PPP3R1: variants seen among roughly 807,000 people sequenced by gnomAD.
PPP3R1 encodes protein phosphatase 3 regulatory subunit B, alpha.
Under a neutral mutation model 22.6 loss-of-function variants are expected in PPP3R1, and 5 were observed. The ratio of observed to expected loss-of-function variants is 0.22; its 90% CI spans 0.12 to 0.46. The LOEUF (loss-of-function observed/expected upper bound fraction) is 0.46, where lower values mean the gene tolerates loss of function less well. Ranked by LOEUF, PPP3R1 falls within the 20% of genes least tolerant of loss-of-function variation. The pLI is 0.99. For synonymous variants in PPP3R1, 56 were observed against 65.2 expected (o/e 0.86, Z 0.68); for missense variants, 61 against 203.2 (o/e 0.30, Z 4.25).
At position 68,188,623 on chromosome 2, in the gene PPP3R1, A is replaced by G; in HGVS notation, c.111T>C (p.Ser37=). 6.2e-7 allele frequency: 1 copy of G among 1,613,636 alleles called. No individual in the cohort carries two copies. Among genetic ancestry groups the G allele is most frequent in the East Asian group, 2.2e-5 (1 of 44,794 alleles). The part of the protein sequence containing the change: ...FKKLDLDNSG[S]LSVEEFMSLP... ...GAGACATGAACTCTTCCACACTCAA[A>G]GAACCAGAATTGTCCAAATCAAGCT... Residue 37 remains serine, a synonymous_variant, in exon 3 of 6, where the codon TCT becomes TCC. Transcript: ENST00000234310.
intron 1 of PPP3R1, among the ~76,000 whole-genome samples, chr2:68,232,403 T>C (rs1181349179): frequency 6.8e-6 from 1 of 147,616 alleles, no homozygotes; most frequent in African/African-American, 2.5e-5. Flanking sequence ...ATCACACCAC[T>C]GCACTCCAGC....
chr2:68,224,853 C>T (rs1400507443), intron 1 of PPP3R1, among the ~76,000 whole-genome samples: 1 of 151,588 alleles, frequency 6.6e-6, no homozygotes, highest in East Asian at 1.9e-4. Context: ...TAGCAATATG[C>T]AATTTAAAAA....
At chr2:68,240,688 A>C (rs1670106671) in intron 1 of PPP3R1, among the ~76,000 whole-genome samples, 1 of 152,238 alleles carries the variant, frequency 6.6e-6, no homozygotes, top group East Asian at 1.9e-4. Context: ...TAAACATAGC[A>C]AACGATACTG....
At chr2:68,250,836 A>G (rs1670332772) in intron 1 of PPP3R1, among the ~76,000 whole-genome samples, 1 of 152,218 alleles carries the variant, frequency 6.6e-6, no homozygotes, top group East Asian at 1.9e-4. Context: ...TTCTAATTTC[A>G]CGTTCTTCCC....
At chr2:68,229,808 T>C (rs534761389) in intron 1 of PPP3R1, among the ~76,000 whole-genome samples, 23 of 152,208 alleles carry the variant, frequency 1.5e-4, no homozygotes, top group African/African-American at 5.3e-4. Flanking sequence ...CTTACAGAAA[T>C]CATATGATTG....
intron 2 of PPP3R1, among the ~76,000 whole-genome samples, chr2:68,195,094 T>C (rs1443285042): frequency 3.3e-5 from 5 of 152,178 alleles, no homozygotes; most frequent in Non-Finnish European, 7.4e-5. Flanking sequence ...TTTCTTGATG[T>C]TGATAACTGT....
chr2:68,184,795 C>CA (rs1674500200), intron 5 of PPP3R1, among the ~76,000 whole-genome samples: 1 of 152,156 alleles, frequency 6.6e-6, no homozygotes, highest in South Asian at 2.1e-4. Context: ...CAACTGATTA[C>CA]AAATACTGGT....
intron 2 of PPP3R1, among the ~76,000 whole-genome samples, chr2:68,207,766 A>G (rs1164435812): frequency 6.6e-6 from 1 of 152,198 alleles, no homozygotes; most frequent in Non-Finnish European, 1.5e-5. Flanking sequence ...TCTTTCCACT[A>G]TCAAGTGGAG....
intron 2 of PPP3R1, among the ~76,000 whole-genome samples, chr2:68,204,745 T>C (rs1298452682): frequency 6.6e-6 from 1 of 152,208 alleles, no homozygotes; most frequent in Non-Finnish European, 1.5e-5. Flanking sequence ...ATGGGGTGAC[T>C]AGTAACTACC....
chr2:68,196,865 C>G (rs1178611225), intron 2 of PPP3R1, among the ~76,000 whole-genome samples: 1 of 152,106 alleles, frequency 6.6e-6, no homozygotes, highest in East Asian at 1.9e-4. Context: ...GCTGAGATTA[C>G]AGGCGTGCGC....
intron 2 of PPP3R1, among the ~76,000 whole-genome samples, chr2:68,211,820 A>C (rs1403871944): frequency 6.6e-6 from 1 of 152,214 alleles, no homozygotes; most frequent in Non-Finnish European, 1.5e-5. Flanking sequence ...ACCCATAAAA[A>C]GCAACTCCTT....
intron 1 of PPP3R1, among the ~76,000 whole-genome samples, chr2:68,228,071 A>G (rs1204046540): frequency 6.6e-6 from 1 of 152,170 alleles, no homozygotes; most frequent in Admixed American, 6.5e-5. Flanking sequence ...GCCATTAAGT[A>G]TAATGTCAGC....
chr2:68,199,159 T>C (rs60620861), intron 2 of PPP3R1, among the ~76,000 whole-genome samples: 62,498 of 151,894 alleles, frequency 0.41, 13,267 homozygotes, highest in South Asian at 0.62. Flanking sequence ...AGATGGGATT[T>C]CACCATGTTG....
chr2:68,202,942 A>G (rs1028582874), intron 2 of PPP3R1, among the ~76,000 whole-genome samples: 1 of 151,978 alleles, frequency 6.6e-6, no homozygotes, highest in Non-Finnish European at 1.5e-5. Context: ...AGCTGGGACT[A>G]CAGGCACCCA....
chr2:68,187,158 A>C (rs1674562884), intron 4 of PPP3R1, 97 bp downstream of exon 4: 1 of 1,044,240 alleles, frequency 9.6e-7, no homozygotes, highest in Non-Finnish European at 1.4e-6. Flanking sequence ...GATCTGGAAT[A>C]AAAGACATCT....
Position 68,179,694 on chromosome 2 carries a change from C to G in PPP3R1, c.*1269G>C, listed in dbSNP as rs2103707837. The G allele has an allele frequency of 6.6e-6, 1 of 152,216 alleles. No homozygotes were observed. Among genetic ancestry groups the G allele is most frequent in the South Asian group, 2.1e-4 (1 of 4,820 alleles). 9.4% of individuals were successfully genotyped at this position (152,216 alleles called of 1,614,324 possible). ...AGAACATGATACACTACTTTTATAT[C>G]ACACAAATTTATTAAGTTATCCATT... On this transcript the variant is annotated 3_prime_UTR_variant, in exon 6 of 6. Transcript: ENST00000234310.
At chr2:68,246,313 T>TCCGCCCGCCTCGGCCTC (rs1178284026) in intron 1 of PPP3R1, among the ~76,000 whole-genome samples, 1 of 151,944 alleles carries the variant, frequency 6.6e-6, no homozygotes, top group African/African-American at 2.4e-5. Context: ...GACCTCATGA[T>TCCGCCCGCCTCGGCCTC]CCGCCCGCCT....
intron 1 of PPP3R1, among the ~76,000 whole-genome samples, chr2:68,232,273 A>G (rs1290891383): frequency 7.1e-5 from 10 of 141,648 alleles, no homozygotes; most frequent in African/African-American, 2.7e-4. Flanking sequence ...GTGTATATAT[A>G]TATACACACA....
chr2:68,188,838 T>C (rs1480881172), intron 2 of PPP3R1, 148 bp from the exon 3 acceptor site: 35 of 659,144 alleles, frequency 5.3e-5, no homozygotes, highest in Non-Finnish European at 1.0e-5. Context: ...AATTTCCAAT[T>C]TGATAAAAAG....
Sources: gnomAD v4.1 joint callset for allele counts (sites outside exome capture counted in the v4.1 genomes callset) on GRCh38, gnomAD v4.1.1 for gene constraint, MANE v1.5 for transcripts, NCBI Gene and HGNC (gene_info 2026-07-23, HGNC 2026-07-21) for gene names.